PHAX: variants seen among roughly 807,000 people sequenced by gnomAD.
PHAX encodes phosphorylated adapter RNA export protein.
Under a neutral mutation model 41.6 loss-of-function variants are expected in PHAX, and 31 were observed. The ratio of observed to expected loss-of-function variants is 0.75; its 90% CI spans 0.56 to 1.01. PHAX has a LOEUF of 1.01. PHAX is among the 50% of genes least tolerant of loss of function. PHAX has a pLI of 0.00. For missense variants in PHAX, 453 were observed against 472.9 expected (o/e 0.96, Z 0.39); for synonymous variants, 175 against 164.9 (o/e 1.06, Z -0.47).
intron 3 of PHAX, among the ~76,000 whole-genome samples, chr5:126,616,679 A>C (rs1276844179): frequency 6.6e-6 from 1 of 152,086 alleles, no homozygotes; most frequent in African/African-American, 2.4e-5. Flanking sequence ...CAGGAGTTTG[A>C]GACCAGGCTG....
At chr5:126,616,343 G>A (rs1327003742) in intron 3 of PHAX, among the ~76,000 whole-genome samples, 8 of 152,038 alleles carry the variant, frequency 5.3e-5, no homozygotes, top group African/African-American at 9.7e-5. Context: ...TGATCCACCC[G>A]CCTCGGCGTC....
At chr5:126,619,945 T>C (rs1043469428) in intron 4 of PHAX, among the ~76,000 whole-genome samples, 2 of 152,188 alleles carry the variant, frequency 1.3e-5, no homozygotes, top group African/African-American at 4.8e-5. Flanking sequence ...ACATTTTCCT[T>C]ATGATAACAA....
At chr5:126,622,412 G>T (rs117042057) in intron 4 of PHAX, among the ~76,000 whole-genome samples, 2 of 149,342 alleles carry the variant, frequency 1.3e-5, no homozygotes, top group African/African-American at 4.9e-5. Flanking sequence ...GATTACAGGC[G>T]AGAGCCAGCA....
intron 3 of PHAX, among the ~76,000 whole-genome samples, chr5:126,611,894 G>A (rs977471198): frequency 4.6e-5 from 7 of 151,944 alleles, no homozygotes; most frequent in African/African-American, 1.7e-4. Flanking sequence ...AACTAGAGTG[G>A]TCTGGGTAGA....
At chr5:126,608,731 GT>G (rs1182466146) in intron 3 of PHAX, among the ~76,000 whole-genome samples, 4 of 152,034 alleles carry the variant, frequency 2.6e-5, no homozygotes, top group Non-Finnish European at 4.4e-5. Context: ...GAGATCGGGA[GT>G]TCGAGACCAG....
rs150524691 is a variant in PHAX, at chr5:126,626,510, G to A, written c.*1666G>A. 8,522 of 151,650 alleles carry A rather than the reference G, an allele frequency of 0.056. 426 individuals carry two copies. Among genetic ancestry groups the A allele is most frequent in the African/African-American group, 0.14 (5,761 of 41,304 alleles). The allele number at this position is 151,650 out of a possible 1,614,324, so 9.4% of individuals were successfully genotyped here. On this transcript the variant is annotated 3_prime_UTR_variant, in exon 5 of 5. Transcript: ENST00000297540. ...TCCCAGCACTTTGGGAGGTGGAGGC[G>A]GGTGGATCACAAGGTCAAGAGATCG...
intron 2 of PHAX, among the ~76,000 whole-genome samples, chr5:126,607,849 G>A (rs1201233885): frequency 6.6e-6 from 1 of 152,112 alleles, no homozygotes; most frequent in Non-Finnish European, 1.5e-5. Flanking sequence ...GTGCATGTAA[G>A]GTTCTTAGGA....
At chr5:126,618,727 A>G (rs554388773) in intron 4 of PHAX, among the ~76,000 whole-genome samples, 2 of 147,742 alleles carry the variant, frequency 1.4e-5, no homozygotes, top group South Asian at 2.1e-4. Context: ...GTGCAGTGTC[A>G]TGATCTCGGC....
intron 1 of PHAX, among the ~76,000 whole-genome samples, chr5:126,602,148 T>C (rs1031273546): frequency 2.6e-5 from 4 of 152,198 alleles, no homozygotes; most frequent in Admixed American, 6.5e-5. Flanking sequence ...GGGTTCTCCA[T>C]GTTGGCCAGG....
intron 3 of PHAX, among the ~76,000 whole-genome samples, chr5:126,610,985 G>A (rs1269833368): frequency 1.3e-5 from 2 of 151,804 alleles, no homozygotes; most frequent in African/African-American, 4.8e-5. Flanking sequence ...GGGATTACAG[G>A]TGTGAGCCAC....
At chr5:126,618,808 G>A (rs983172803) in intron 4 of PHAX, among the ~76,000 whole-genome samples, 62 of 151,962 alleles carry the variant, frequency 4.1e-4, no homozygotes, top group African/African-American at 1.4e-3. Context: ...ACAGGCTTGC[G>A]CCACCACGCC....
chr5:126,608,792 C>G (rs1301088583), intron 3 of PHAX, among the ~76,000 whole-genome samples: 1 of 151,720 alleles, frequency 6.6e-6, no homozygotes, highest in Non-Finnish European at 1.5e-5. Flanking sequence ...CAAAATTAGC[C>G]AAGCGTGGTG....
In PHAX at chr5:126,624,682, A is replaced by G. The variant is rs774089030; in HGVS notation, c.1023A>G (p.Leu341=). 2 of 1,614,194 alleles carry G rather than the reference A, an allele frequency of 1.2e-6. No homozygotes were observed. Among genetic ancestry groups the G allele is most frequent in the Admixed American group, 1.7e-5 (1 of 60,026 alleles). ...AGATGAAACAAGCTATTAAAAGTCT[A>G]AATTTTCAAGAAGATGATGATACAT... ...GKKMKQAIKS[L]NFQEDDDTSR... is the part of the protein sequence containing the mutation. The change falls in exon 5 of 5, where the codon CTA becomes CTG. Residue 341 remains leucine, a synonymous_variant. Transcript: ENST00000297540.
chr5:126,611,021 CT>C (rs879525119), intron 3 of PHAX, among the ~76,000 whole-genome samples: 541 of 141,170 alleles, frequency 3.8e-3, no homozygotes, highest in Non-Finnish European at 6.8e-3. Context: ...AATTTACTTT[CT>C]TTTTTTTTTT....
rs1436963380 is a variant in PHAX, at chr5:126,601,062, A to C, written c.96+4A>C. On this transcript the variant is annotated splice_donor_region_variant and intron_variant, in intron 1 of 4. Coordinates refer to ENST00000297540, the MANE Select transcript of PHAX (RefSeq NM_032177.4). ...CGACAGGCCGCTGCAATTGCCAGTG[A>C]GTGTGAAAGGAGGGTGGGTGATCGT... is the stretch of plus-strand genomic sequence containing the variant. 1 of 1,599,464 alleles carries C rather than the reference A, an allele frequency of 6.3e-7. No homozygotes were observed. Among genetic ancestry groups the C allele is most frequent in the African/African-American group, 1.4e-5 (1 of 73,378 alleles).
chr5:126,612,886 G>GT (rs1379923041), intron 3 of PHAX, among the ~76,000 whole-genome samples: 1 of 152,062 alleles, frequency 6.6e-6, no homozygotes, highest in African/African-American at 2.4e-5. Flanking sequence ...ATTTCCTAGT[G>GT]GATTAGATGG....
chr5:126,604,261 T>C (rs1453211353), intron 2 of PHAX, 78 bp downstream of exon 2: 3 of 1,222,358 alleles, frequency 2.5e-6, no homozygotes, highest in Admixed American at 2.5e-5. Flanking sequence ...CCAAATACTT[T>C]AATGATATGT....
At chr5:126,608,040 A>G (rs998194778) in intron 2 of PHAX, among the ~76,000 whole-genome samples, 2 of 152,138 alleles carry the variant, frequency 1.3e-5, no homozygotes, top group Admixed American at 6.6e-5. Context: ...TCTGTTATTT[A>G]TTTTGACAAT....
intron 1 of PHAX, among the ~76,000 whole-genome samples, chr5:126,601,945 G>A (rs1173107899): frequency 6.6e-6 from 1 of 152,192 alleles, no homozygotes; most frequent in Non-Finnish European, 1.5e-5. Context: ...GAGATTACAG[G>A]TGTGAACCAC....
Sources: allele counts gnomAD v4.1 joint callset (sites outside exome capture counted in the v4.1 genomes callset), GRCh38; gene constraint gnomAD v4.1.1; transcripts MANE v1.5; gene names NCBI Gene and HGNC (gene_info 2026-07-23, HGNC 2026-07-21).